PTPN3: variants seen among roughly 807,000 people sequenced by gnomAD.
PTPN3 encodes the protein protein tyrosine phosphatase non-receptor type 3.
In PTPN3, 96 loss-of-function variants were observed where a neutral mutation model predicts 132.7. That is an observed-to-expected ratio of 0.72 (90% CI 0.61 to 0.86). PTPN3 has a LOEUF of 0.86. Ranked by LOEUF, PTPN3 falls within the 40% of genes least tolerant of loss-of-function variation. PTPN3 has a pLI of 0.00. For missense variants in PTPN3, 1,125 were observed against 1,159.6 expected, an observed-to-expected ratio of 0.97 and a Z score of 0.43; for synonymous variants, 398 against 429.0, an observed-to-expected ratio of 0.93 and a Z score of 0.89.
intron 4 of PTPN3, among the ~76,000 whole-genome samples, chr9:109,456,052 G>T (rs1462160777): frequency 6.6e-6 from 1 of 152,168 alleles, no homozygotes; most frequent in Non-Finnish European, 1.5e-5. Flanking sequence ...CTCATGGGAG[G>T]GAAGAACTTT....
At chr9:109,533,145 T>TTTTTC in the PTPN3 span, among the ~76,000 whole-genome samples, 2 of 101,200 alleles carry the variant, frequency 2.0e-5, no homozygotes, top group Non-Finnish European at 4.0e-5. Flanking sequence ...TTTTTTTTTT[T>TTTTTC]TTTTTTTTTT....
At chr9:109,506,111 G>A in the PTPN3 span, among the ~76,000 whole-genome samples, 1 of 152,310 alleles carries the variant, frequency 6.6e-6, no homozygotes, top group Non-Finnish European at 1.5e-5. Context: ...AGGGGAAGAA[G>A]AGATGAAGAA....
rs575156530 is a variant in PTPN3, at chr9:109,484,518, C to T, written c.-18+13701G>A. ...CATCTGAATCTGAAGTGAGGAACAG[C>T]CACTTGGCTAGGAGCTAGAATTGAG... On this transcript the variant is annotated intron_variant, in intron 1 of 25. Coordinates refer to ENST00000374541, the MANE Select transcript of PTPN3 (RefSeq NM_002829.4). Among the ~76,000 whole-genome samples the T allele has an allele frequency of 5.7e-4, 86 of 152,178 alleles. 1 individual carries two copies. Among genetic ancestry groups the T allele is most frequent in the Non-Finnish European group, 8.2e-4 (56 of 68,038 alleles).
At chr9:109,449,163 T>C (rs1327731469) in intron 5 of PTPN3, 1 of 1,158,664 alleles carries the variant, frequency 8.6e-7, no homozygotes, top group African/African-American at 1.6e-5. Flanking sequence ...GCTGGTACTA[T>C]GGGTTCCGCT....
At chr9:109,440,104 ACACACAGTAGGTG>A (rs1367120441) in intron 7 of PTPN3, among the ~76,000 whole-genome samples, 4 of 152,174 alleles carry the variant, frequency 2.6e-5, no homozygotes, top group Non-Finnish European at 5.9e-5. Context: ...ACCAGGCATG[ACACACAGTAGGTG>A]CTCAGAAATT....
chr9:109,513,725 G>C, the PTPN3 span, among the ~76,000 whole-genome samples: 1 of 152,290 alleles, frequency 6.6e-6, no homozygotes, highest in Admixed American at 6.5e-5. Context: ...ATTTCCTGAT[G>C]TTGGCCTTTG....
intron 7 of PTPN3, among the ~76,000 whole-genome samples, chr9:109,441,439 G>A (rs1360072530): frequency 1.3e-5 from 2 of 152,060 alleles, no homozygotes; most frequent in African/African-American, 4.8e-5. Flanking sequence ...TTCCTAGGAC[G>A]TTTTCCCAGA....
the PTPN3 span, among the ~76,000 whole-genome samples, chr9:109,509,801 A>T: frequency 6.6e-6 from 1 of 152,012 alleles, no homozygotes; most frequent in Non-Finnish European, 1.5e-5. Context: ...CAGTCTTTGT[A>T]GTTGATGTTG....
chr9:109,392,263 C>T (rs1480101091), intron 19 of PTPN3, among the ~76,000 whole-genome samples: 4 of 152,240 alleles, frequency 2.6e-5, no homozygotes, highest in South Asian at 2.1e-4. Flanking sequence ...AGATCTGACT[C>T]CAAGGCTTAT....
At chr9:109,417,828 G>A (rs1359065070) in intron 14 of PTPN3, 1 of 965,174 alleles carries the variant, frequency 1.0e-6, no homozygotes, top group Non-Finnish European at 1.2e-6. Flanking sequence ...ACTGTTATTT[G>A]CTATTCTTAA....
rs199589863 is a variant in PTPN3, at chr9:109,380,317, G to A, written c.2665-684C>T. Among the ~76,000 whole-genome samples, 162 of 152,050 alleles carry A rather than the reference G, an allele frequency of 1.1e-3. 1 individual carries two copies. Among genetic ancestry groups the A allele is most frequent in the African/African-American group, 3.7e-3 (153 of 41,458 alleles). ...GTCACTCAGGCTGGAGTGCAGTGGC[G>A]TAATCTTGGCTCACTGCAACCTCCA... On this transcript the variant is annotated intron_variant, in intron 25 of 25. Transcript: ENST00000374541.
At chr9:109,430,297 T>G (rs1380439584) in intron 10 of PTPN3, among the ~76,000 whole-genome samples, 1 of 152,158 alleles carries the variant, frequency 6.6e-6, no homozygotes, top group Non-Finnish European at 1.5e-5. Context: ...GTTTGGCCCA[T>G]GGGTATCTGT....
intron 19 of PTPN3, among the ~76,000 whole-genome samples, chr9:109,402,011 T>A (rs1841156559): frequency 6.6e-6 from 1 of 152,178 alleles, no homozygotes; most frequent in Non-Finnish European, 1.5e-5. Flanking sequence ...AATTAGACTG[T>A]AAACTCCTTG....
At chr9:109,448,149 C>T (rs1844984795) in intron 6 of PTPN3, among the ~76,000 whole-genome samples, 3 of 152,132 alleles carry the variant, frequency 2.0e-5, no homozygotes, top group Admixed American at 2.0e-4. Context: ...TCTCATTTCC[C>T]CAGTGAGACT....
chr9:109,528,432 A>G, the PTPN3 span, among the ~76,000 whole-genome samples: 10 of 152,256 alleles, frequency 6.6e-5, no homozygotes, highest in African/African-American at 2.4e-4. Context: ...TGCGCAATGA[A>G]GAGTACCGAT....
chr9:109,430,983 G>A lies in PTPN3; in HGVS notation c.764+2090C>T, dbSNP rs570178833. 3.3e-5 allele frequency among the ~76,000 whole-genome samples: 5 copies of A among 152,356 alleles called. No individual in the cohort carries two copies. In the East Asian group the frequency reaches 9.6e-4, roughly 29 times the overall value. On this transcript the variant is annotated intron_variant, in intron 10 of 25. Coordinates refer to ENST00000374541, the MANE Select transcript of PTPN3 (RefSeq NM_002829.4). ...TCCTGGTGAGTGCCTTACCCTGCATGCTTAGGGCCCTTCTTATGTCCTGCC... is the reference window on the plus strand; with the variant it reads ...TCCTGGTGAGTGCCTTACCCTGCATACTTAGGGCCCTTCTTATGTCCTGCC...
intron 1 of PTPN3, among the ~76,000 whole-genome samples, chr9:109,484,221 C>T (rs867437584): frequency 3.3e-5 from 5 of 152,210 alleles, no homozygotes; most frequent in Non-Finnish European, 7.3e-5. Context: ...ACAGCAGTCC[C>T]TCTGTCCAGA....
At chr9:109,408,485 A>C in intron 16 of PTPN3, 108 bp from the exon 17 acceptor site, 3 of 733,504 alleles carry the variant, frequency 4.1e-6, no homozygotes, top group Non-Finnish European at 4.5e-6. Flanking sequence ...GTACCAATAA[A>C]TGTGAGTCTT....
chr9:109,382,563 C>T, intron 23 of PTPN3, 116 bp from the exon 24 acceptor site: 1 of 1,189,322 alleles, frequency 8.4e-7, no homozygotes, highest in African/African-American at 1.5e-5. Context: ...CTGCGCACAG[C>T]CCTGCTGTGG....
Sources: gnomAD v4.1 joint callset for allele counts (sites outside exome capture counted in the v4.1 genomes callset) on GRCh38, gnomAD v4.1.1 for gene constraint, MANE v1.5 for transcripts, NCBI Gene and HGNC (gene_info 2026-07-23, HGNC 2026-07-21) for gene names.